Variants in ATXN1 observed in about 807,000 individuals in gnomAD.
ATXN1 encodes ataxin 1, also known as ataxin-1.
A neutral mutation model predicts 56.4 loss-of-function variants in ATXN1; 8 were observed. The observed-to-expected ratio is 0.14, with a 90% CI of 0.08 to 0.26. The LOEUF (loss-of-function observed/expected upper bound fraction) is 0.26, where lower values mean the gene tolerates loss of function less well. ATXN1 is among the 10% of genes least tolerant of loss of function. The pLI is 1.00. For synonymous variants in ATXN1, 514 were observed against 494.6 expected, an observed-to-expected ratio of 1.04 and a Z score of -0.52; for missense variants, 987 against 1,106.5, an observed-to-expected ratio of 0.89 and a Z score of 1.53.
chr6:16,326,271 C>T lies in ATXN1; in HGVS notation c.1917+123G>A. The T allele has an allele frequency of 1.4e-6, 2 of 1,469,382 alleles. No individual in the cohort carries two copies. Among genetic ancestry groups the T allele is most frequent in the Non-Finnish European group, 1.8e-6 (2 of 1,116,286 alleles). 91.0% of individuals were successfully genotyped at this position (1,469,382 alleles called of 1,614,324 possible). ...AGAACGCAGTTGGGAAAGGCCGAGTCTAAGGTCTAGGTGTACCCGAGAACC... is the reference window on the plus strand; with the variant it reads ...AGAACGCAGTTGGGAAAGGCCGAGTTTAAGGTCTAGGTGTACCCGAGAACC... On this transcript the variant is annotated intron_variant, in intron 7 of 7. Coordinates refer to ENST00000436367, the MANE Select transcript of ATXN1 (RefSeq NM_001128164.2). The surrounding 1 kb of genome is among the most constrained non-coding windows in gnomAD (Gnocchi z 6.6).
At chr6:16,357,099 C>A (rs983948812) in intron 6 of ATXN1, among the ~76,000 whole-genome samples, 1 of 152,016 alleles carries the variant, frequency 6.6e-6, no homozygotes, top group African/African-American at 2.4e-5. Flanking sequence ...AATTCCACAT[C>A]GATTTATATT....
chr6:16,305,268 G>C lies in ATXN1; in HGVS notation c.*1061C>G, dbSNP rs1581676951. ...AAATCTAATTCCTCATGTCACACTG[G>C]AATCTGAAAAAAAAAAAAAGTGGCA... On this transcript the variant is annotated 3_prime_UTR_variant, in exon 8 of 8. Transcript: ENST00000436367. The C allele has an allele frequency of 6.8e-6, 1 of 146,176 alleles. No individual in the cohort carries two copies. The highest frequency in any genetic ancestry group is 1.5e-5 in the Non-Finnish European group (1 of 65,696). 9.1% of individuals were successfully genotyped at this position (146,176 alleles called of 1,614,324 possible).
chr6:16,505,395 T>C (rs1760964799), intron 5 of ATXN1, among the ~76,000 whole-genome samples: 1 of 152,180 alleles, frequency 6.6e-6, no homozygotes, highest in African/African-American at 2.4e-5. Flanking sequence ...ATCAGGACTA[T>C]TTTTGCATAT....
chr6:16,394,039 G>A (rs542881829), intron 6 of ATXN1, among the ~76,000 whole-genome samples: 2 of 152,150 alleles, frequency 1.3e-5, no homozygotes, highest in South Asian at 4.2e-4. Flanking sequence ...ACACATCTAG[G>A]AGTAAGTTAA....
intron 6 of ATXN1, among the ~76,000 whole-genome samples, chr6:16,454,015 G>A (rs997332775): frequency 9.3e-5 from 14 of 150,862 alleles, no homozygotes; most frequent in South Asian, 6.3e-4. Flanking sequence ...ATGGTGGCAC[G>A]TGCCTGTAAT....
At chr6:16,458,756 C>T (rs1759930788) in intron 6 of ATXN1, among the ~76,000 whole-genome samples, 1 of 152,184 alleles carries the variant, frequency 6.6e-6, no homozygotes. Flanking sequence ...AAGAAACAAG[C>T]TACTCCCTCA....
chr6:16,534,322 C>A (rs138537524), intron 4 of ATXN1, among the ~76,000 whole-genome samples: 2 of 151,648 alleles, frequency 1.3e-5, no homozygotes, highest in East Asian at 3.8e-4. Flanking sequence ...TCTACTGTAA[C>A]CATTTTTTGA....
chr6:16,716,879 C>A (rs1182268784), intron 2 of ATXN1, among the ~76,000 whole-genome samples: 2 of 152,214 alleles, frequency 1.3e-5, no homozygotes, highest in Non-Finnish European at 1.5e-5. Flanking sequence ...ATTCAGTTCA[C>A]AGAGCTTGAT....
At chr6:16,700,693 G>A (rs751726323) in intron 2 of ATXN1, among the ~76,000 whole-genome samples, 30 of 152,268 alleles carry the variant, frequency 2.0e-4, no homozygotes, top group Non-Finnish European at 3.7e-4. Flanking sequence ...GTGGGCAGGA[G>A]GAGGTGAAAA....
intron 6 of ATXN1, among the ~76,000 whole-genome samples, chr6:16,399,495 T>C (rs1034292198): frequency 6.6e-6 from 1 of 152,164 alleles, no homozygotes; most frequent in African/African-American, 2.4e-5. Context: ...AAGACAGAAA[T>C]AGCGAAAAGA....
At chr6:16,641,258 C>T (rs576432865) in intron 3 of ATXN1, among the ~76,000 whole-genome samples, 11 of 152,294 alleles carry the variant, frequency 7.2e-5, no homozygotes, top group South Asian at 4.1e-4. Context: ...GATTTTTCAA[C>T]GTAGGCAAAG....
chr6:16,716,290 C>T (rs1431160469), intron 2 of ATXN1, among the ~76,000 whole-genome samples: 1 of 152,164 alleles, frequency 6.6e-6, no homozygotes, highest in Admixed American at 6.5e-5. Flanking sequence ...GTATCAATGC[C>T]AAGCTGGCTA....
chr6:16,704,180 T>TA (rs1481077051), intron 2 of ATXN1, among the ~76,000 whole-genome samples: 3 of 152,206 alleles, frequency 2.0e-5, no homozygotes, highest in African/African-American at 4.8e-5. Context: ...GAGTTAAAAA[T>TA]AAAAAACATG....
chr6:16,615,147 T>C (rs1304958725), intron 3 of ATXN1: 1 of 147,818 alleles, frequency 6.8e-6, no homozygotes, highest in Non-Finnish European at 1.5e-5. Context: ...TCCAGGATGC[T>C]ACATGTGCCT....
At chr6:16,335,418 T>G (rs1761097070) in intron 6 of ATXN1, among the ~76,000 whole-genome samples, 1 of 152,180 alleles carries the variant, frequency 6.6e-6, no homozygotes, top group African/African-American at 2.4e-5. Flanking sequence ...GTTTCCCTTC[T>G]CGGCTCTGCA....
chr6:16,552,030 C>T (rs770324224), intron 4 of ATXN1, among the ~76,000 whole-genome samples: 13 of 152,166 alleles, frequency 8.5e-5, no homozygotes, highest in Non-Finnish European at 1.5e-4. Context: ...GGATGGTGGA[C>T]GTGTGCATAG....
At chr6:16,307,447 T>A (rs1760276046) in intron 7 of ATXN1, among the ~76,000 whole-genome samples, 2 of 151,820 alleles carry the variant, frequency 1.3e-5, no homozygotes, top group African/African-American at 4.8e-5. Flanking sequence ...GGTGGGTGGA[T>A]CATTTGAGGT....
intron 6 of ATXN1, among the ~76,000 whole-genome samples, chr6:16,370,118 C>A (rs550249446): frequency 6.6e-6 from 1 of 152,276 alleles, no homozygotes; most frequent in African/African-American, 2.4e-5. Context: ...TCCCAGGAAT[C>A]CTGCATGAGG....
chr6:16,670,808 T>C (rs1158486224), intron 2 of ATXN1, among the ~76,000 whole-genome samples: 1 of 152,236 alleles, frequency 6.6e-6, no homozygotes, highest in Admixed American at 6.5e-5. Flanking sequence ...ATGTTATTTT[T>C]AATCTCTGGC....
Sources: gnomAD v4.1 joint callset for allele counts (sites outside exome capture counted in the v4.1 genomes callset) on GRCh38, gnomAD v4.1.1 for gene constraint, Gnocchi (gnomAD v3.1) non-coding constraint, MANE v1.5 for transcripts, NCBI Gene and HGNC (gene_info 2026-07-23, HGNC 2026-07-21) for gene names.